Variants in GHR observed in about 807,000 individuals in gnomAD.
The protein encoded by GHR is GH receptor.
A neutral mutation model predicts 67.1 loss-of-function variants in GHR; 35 were observed. The ratio of observed to expected loss-of-function variants is 0.52; its 90% confidence interval spans 0.40 to 0.69. The LOEUF (loss-of-function observed/expected upper bound fraction) is 0.69. Among genes scored for constraint, GHR ranks in the 30% least tolerant of loss-of-function variants. The pLI is 0.00. For missense variants in GHR, 792 were observed against 764.6 expected (o/e 1.04, Z -0.42); for synonymous variants, 272 against 269.1 (o/e 1.01, Z -0.10).
intron 2 of GHR, among the ~76,000 whole-genome samples, chr5:42,622,458 C>T (rs1215309318): frequency 6.6e-6 from 1 of 152,086 alleles, no homozygotes; most frequent in African/African-American, 2.4e-5. Flanking sequence ...ATAAGAATCA[C>T]CTGGCAGGGA....
intron 1 of GHR, among the ~76,000 whole-genome samples, chr5:42,505,418 G>A (rs561777398): frequency 7.0e-4 from 106 of 150,374 alleles, no homozygotes; most frequent in East Asian, 2.5e-3. Context: ...TTTTGAGCAC[G>A]TACACAATGC....
chr5:42,664,320 A>G (rs1191358423), intron 3 of GHR, among the ~76,000 whole-genome samples: 1 of 152,228 alleles, frequency 6.6e-6, no homozygotes, highest in Non-Finnish European at 1.5e-5. Flanking sequence ...AGCTGGAGGC[A>G]TCACACTACC....
At chr5:42,483,348 G>C (rs529885712) in intron 1 of GHR, among the ~76,000 whole-genome samples, 19 of 152,230 alleles carry the variant, frequency 1.2e-4, no homozygotes, top group African/African-American at 4.6e-4. Flanking sequence ...CTCCATGGCT[G>C]GGCACTTACT....
chr5:42,656,802 T>G (rs1052802104), intron 3 of GHR, among the ~76,000 whole-genome samples: 5 of 152,320 alleles, frequency 3.3e-5, no homozygotes, highest in Non-Finnish European at 7.4e-5. Context: ...TCTGTGTAGT[T>G]TCATTTTGTT....
chr5:42,602,095 TG>T (rs1307780302), intron 2 of GHR, among the ~76,000 whole-genome samples: 2 of 152,220 alleles, frequency 1.3e-5, no homozygotes, highest in African/African-American at 4.8e-5. Context: ...TACAACATGA[TG>T]TTTTTTATAA....
chr5:42,444,624 T>C (rs1292940009), intron 1 of GHR, among the ~76,000 whole-genome samples: 1 of 152,146 alleles, frequency 6.6e-6, no homozygotes, highest in African/African-American at 2.4e-5. Context: ...ATCCTATATA[T>C]TCCCTCAACC....
At chr5:42,703,790 T>C (rs1758043463) in intron 6 of GHR, among the ~76,000 whole-genome samples, 1 of 151,936 alleles carries the variant, frequency 6.6e-6, no homozygotes, top group South Asian at 2.1e-4. Context: ...TTTATTTTAT[T>C]TTTATTTTTA....
At chr5:42,671,940 A>G (rs187145248) in intron 3 of GHR, among the ~76,000 whole-genome samples, 52 of 137,244 alleles carry the variant, frequency 3.8e-4, no homozygotes, top group African/African-American at 1.3e-3. Flanking sequence ...TGGGCGACAG[A>G]GCAAGACTCC....
chr5:42,678,947 A>G (rs1036650631), intron 3 of GHR, among the ~76,000 whole-genome samples: 2 of 148,060 alleles, frequency 1.4e-5, no homozygotes, highest in African/African-American at 4.9e-5. Context: ...ATATTTATAT[A>G]TCTAAAGTTT....
chr5:42,433,653 A>G (rs2111909704), intron 1 of GHR, among the ~76,000 whole-genome samples: 1 of 152,030 alleles, frequency 6.6e-6, no homozygotes, highest in African/African-American at 2.4e-5. Context: ...AGAGAGAAGG[A>G]CAATCTGTTT....
chr5:42,497,137 A>C lies in GHR; in HGVS notation c.-11-68727A>C, dbSNP rs186104344. On this transcript the variant is annotated intron_variant, in intron 1 of 9. Transcript: ENST00000230882. The stretch of plus-strand genomic sequence containing the variant: ...ACTGAAATTCTTATCCTTGTTTCCC[A>C]TTCATTCCTAAGTTACTTTAGCCTT... Among the ~76,000 whole-genome samples, 4 of 152,236 alleles carry C rather than the reference A, an allele frequency of 2.6e-5. No individual in the cohort carries two copies. The East Asian group carries it at 5.8e-4, about 22-fold the overall frequency.
At chr5:42,474,333 G>GAAAGAAAGAAAGAAAGA (rs144590349) in intron 1 of GHR, among the ~76,000 whole-genome samples, 7 of 149,104 alleles carry the variant, frequency 4.7e-5, no homozygotes, top group African/African-American at 7.4e-5. Context: ...AAGAAAGAAA[G>GAAAGAAAGAAAGAAAGA]AAAGAAAAGA....
chr5:42,539,646 A>G (rs1234582883), intron 1 of GHR, among the ~76,000 whole-genome samples: 1 of 152,000 alleles, frequency 6.6e-6, no homozygotes, highest in African/African-American at 2.4e-5. Context: ...TGAAGTCTAG[A>G]TCTATTTTTT....
In GHR at chr5:42,629,041, C is replaced by T; in HGVS notation, c.74C>T (p.Thr25Ile). ...SSDAFSGSEA[T>I]AAILSRAPWS... ...TTTTCTTCTCTTTCTGTTTCAGCCA[C>T]AGCAGCTATCCTTAGCAGAGCACCC... The change falls in exon 3 of 10, where the codon ACA (threonine) becomes ATA (isoleucine). Residue 25 changes from threonine (T) to isoleucine (I), a missense_variant. Physicochemically the swap from Thr to Ile is moderately conservative, Grantham distance 89. Transcript: ENST00000230882. 2.9e-6 allele frequency: 4 copies of T among 1,382,908 alleles called. 1 individual carries two copies. In the South Asian group the frequency reaches 3.6e-5, roughly 13 times the overall value. 85.7% of individuals were successfully genotyped at this position (1,382,908 alleles called of 1,614,324 possible). A position where few individuals can be genotyped will look rare whatever the true frequency, so the allele number is the denominator to read the frequency against.
intron 1 of GHR, among the ~76,000 whole-genome samples, chr5:42,451,526 G>C (rs1204783560): frequency 6.6e-6 from 1 of 151,770 alleles, no homozygotes; most frequent in East Asian, 1.9e-4. Flanking sequence ...CAGATCACAA[G>C]GTCAGGAGTT....
rs182903902 is a variant in GHR at position 42,447,770 on chromosome 5, T to C, written c.-12+23815T>C. 9.0e-5 allele frequency among the ~76,000 whole-genome samples: 13 copies of C among 143,956 alleles called. No homozygotes were observed. In the East Asian group the frequency reaches 3.0e-3, roughly 33 times the overall value. 94.4% of individuals were successfully genotyped at this position (143,956 alleles called of 152,430 possible). On this transcript the variant is annotated intron_variant, in intron 1 of 9. Coordinates refer to ENST00000230882, the MANE Select transcript of GHR (RefSeq NM_000163.5). ...TTTCTTTCTTTCTTTTCTTTCTCTCTCTCTCTTTCTTTCCTCTTTCTCTAG... is the reference window on the plus strand; with the variant it reads ...TTTCTTTCTTTCTTTTCTTTCTCTCCCTCTCTTTCTTTCCTCTTTCTCTAG...
chr5:42,655,436 G>C (rs1755207548), intron 3 of GHR, among the ~76,000 whole-genome samples: 1 of 152,104 alleles, frequency 6.6e-6, no homozygotes, highest in Non-Finnish European at 1.5e-5. Flanking sequence ...GAAAGTGTTT[G>C]AATAATAAGA....
At chr5:42,635,944 C>T (rs758759354) in intron 3 of GHR, among the ~76,000 whole-genome samples, 2 of 151,864 alleles carry the variant, frequency 1.3e-5, no homozygotes, top group Admixed American at 6.5e-5. Flanking sequence ...GACGCGGTGG[C>T]TCATGCCTGT....
intron 2 of GHR, among the ~76,000 whole-genome samples, chr5:42,610,531 C>A (rs140520994): frequency 6.6e-6 from 1 of 152,078 alleles, no homozygotes; most frequent in African/African-American, 2.4e-5. Flanking sequence ...TTCTGAGATG[C>A]ATCCCTGCAA....
Sources: allele counts gnomAD v4.1 joint callset (sites outside exome capture counted in the v4.1 genomes callset), GRCh38; gene constraint gnomAD v4.1.1; transcripts MANE v1.5; gene names NCBI Gene and HGNC (gene_info 2026-07-23, HGNC 2026-07-21).